EIF4E3: variants seen among roughly 807,000 people sequenced by gnomAD.
EIF4E3 encodes eukaryotic translation initiation factor 4E family member 3.
EIF4E3 carries 26 observed loss-of-function variants against 31.7 expected under a neutral mutation model. The observed-to-expected ratio is 0.82, with a 90% CI of 0.60 to 1.14. EIF4E3 has a LOEUF of 1.14. Ranked by LOEUF, EIF4E3 falls within the 50% of genes most tolerant of loss-of-function variation. EIF4E3 has a pLI of 0.00. For missense variants in EIF4E3, 304 were observed against 270.9 expected (o/e 1.12, Z -0.86); for synonymous variants, 128 against 107.7 (o/e 1.19, Z -1.17).
upstream of EIF4E3, among the ~76,000 whole-genome samples, chr3:71,728,103 T>C (rs2049661882): frequency 3.9e-5 from 6 of 152,230 alleles, no homozygotes; most frequent in Admixed American, 3.9e-4. Context: ...ATTTCTATTT[T>C]AAAGACCTAA....
chr3:71,736,629 G>C (rs1452743519), intron 1 of EIF4E3, among the ~76,000 whole-genome samples: 1 of 152,198 alleles, frequency 6.6e-6, no homozygotes. Flanking sequence ...AAAGGATCAG[G>C]GGTTGTCAGG....
At chr3:71,673,909 T>TTATATATATATA (rs796175405), downstream of EIF4E3, among the ~76,000 whole-genome samples, 1 of 138,130 alleles carries the variant, frequency 7.2e-6, no homozygotes, top group African/African-American at 2.7e-5. Flanking sequence ...AATATAATAA[T>TTATATATATATA]TATATATATA....
intron 6 of EIF4E3, among the ~76,000 whole-genome samples, chr3:71,687,128 G>A (rs889159669): frequency 2.0e-5 from 3 of 152,172 alleles, no homozygotes; most frequent in Non-Finnish European, 4.4e-5. Context: ...AGTCTCCCAA[G>A]TAGCTGGGAT....
At chr3:71,716,301 C>T (rs940893302) in intron 1 of EIF4E3, among the ~76,000 whole-genome samples, 2 of 152,096 alleles carry the variant, frequency 1.3e-5, no homozygotes, top group Admixed American at 1.3e-4. Context: ...GGCGCAATCT[C>T]GACTCACTGC....
rs560775683 is a variant in EIF4E3 at position 71,677,204 on chromosome 3, C to T, written c.*7478G>A. 3 of 152,248 alleles carry T rather than the reference C, an allele frequency of 2.0e-5. No individual in the cohort carries two copies. Among genetic ancestry groups the T allele is most frequent in the South Asian group, 4.1e-4 (2 of 4,830 alleles). The allele number at this position is 152,248 out of a possible 1,614,324, so 9.4% of individuals were successfully genotyped here. A position where few individuals can be genotyped will look rare whatever the true frequency, so the allele number is the denominator to read the frequency against. ...TAAGCTAGTCAGCACCACAGCCTAGCCAGATGATGGGAAATAGAAACATAT... is the reference window on the plus strand; with the variant it reads ...TAAGCTAGTCAGCACCACAGCCTAGTCAGATGATGGGAAATAGAAACATAT... On this transcript the variant is annotated 3_prime_UTR_variant, in exon 7 of 7. Transcript: ENST00000425534.
chr3:71,741,100 A>G (rs553084735), intron 1 of EIF4E3, among the ~76,000 whole-genome samples: 6 of 152,194 alleles, frequency 3.9e-5, no homozygotes, highest in African/African-American at 1.2e-4. Flanking sequence ...GCACCACTGC[A>G]CTCTGGCCTG....
downstream of EIF4E3, among the ~76,000 whole-genome samples, chr3:71,674,296 G>A (rs2048861359): frequency 6.6e-6 from 1 of 151,234 alleles, no homozygotes; most frequent in Non-Finnish European, 1.5e-5. Flanking sequence ...TAGTATTGAT[G>A]GGGTTTCACC....
intron 1 of EIF4E3, among the ~76,000 whole-genome samples, chr3:71,715,867 T>A (rs749346768): frequency 6.6e-6 from 1 of 152,198 alleles, no homozygotes; most frequent in African/African-American, 2.4e-5. Context: ...ACTTCACAGA[T>A]TAGGAAACTG....
chr3:71,740,702 C>T (rs59455543), intron 1 of EIF4E3, among the ~76,000 whole-genome samples: 5,890 of 152,076 alleles, frequency 0.039, 390 homozygotes, highest in African/African-American at 0.13. Flanking sequence ...CACTGCACTC[C>T]AGCCTGGACG....
intron 1 of EIF4E3, among the ~76,000 whole-genome samples, chr3:71,716,333 C>T (rs1354764953): frequency 1.3e-5 from 2 of 152,096 alleles, no homozygotes; most frequent in Non-Finnish European, 2.9e-5. Context: ...CCCGGGTTCA[C>T]GCCATTCTCC....
upstream of EIF4E3, among the ~76,000 whole-genome samples, chr3:71,730,395 C>G (rs912648238): frequency 6.6e-6 from 1 of 152,198 alleles, no homozygotes; most frequent in African/African-American, 2.4e-5. Context: ...AAAACATTGT[C>G]TATAAAGCAC....
Position 71,725,179 on chromosome 3 carries a change from C to A in EIF4E3, c.176+13G>T. 9.2e-7 allele frequency: 1 copy of A among 1,086,464 alleles called. No homozygotes were observed. The highest frequency in any genetic ancestry group is 1.1e-6 in the Non-Finnish European group (1 of 897,652). 67.3% of individuals were successfully genotyped at this position (1,086,464 alleles called of 1,614,324 possible). On this transcript the variant is annotated intron_variant, in intron 1 of 6. Coordinates refer to ENST00000425534, the MANE Select transcript of EIF4E3 (RefSeq NM_001134651.2). The surrounding 1 kb of genome is among the most constrained non-coding windows in gnomAD (Gnocchi z 6.1). Reference sequence around the variant, plus strand: ...GGTCGGGGCCGTGCGCGGCGGGCCCCGCGCCCCCTCACCTGTCGAGCCAGA... The same window carrying A: ...GGTCGGGGCCGTGCGCGGCGGGCCCAGCGCCCCCTCACCTGTCGAGCCAGA...
intron 1 of EIF4E3, among the ~76,000 whole-genome samples, chr3:71,745,206 C>T (rs908071783): frequency 2.4e-4 from 36 of 152,294 alleles, no homozygotes; most frequent in African/African-American, 8.7e-4. Flanking sequence ...GGGTCTCTAC[C>T]TCATCTAAAT....
intron 2 of EIF4E3, among the ~76,000 whole-genome samples, chr3:71,701,198 T>C (rs1220171761): frequency 1.3e-5 from 2 of 152,170 alleles, no homozygotes; most frequent in Non-Finnish European, 2.9e-5. Context: ...AGAAATAGAT[T>C]ATACAAAAAT....
At chr3:71,744,754 T>A (rs1219570213) in intron 1 of EIF4E3, among the ~76,000 whole-genome samples, 1 of 152,150 alleles carries the variant, frequency 6.6e-6, no homozygotes, top group Non-Finnish European at 1.5e-5. Context: ...CAAAAAAATA[T>A]ATATATTTAC....
intron 1 of EIF4E3, among the ~76,000 whole-genome samples, chr3:71,743,230 A>C (rs2049838485): frequency 1.3e-5 from 2 of 152,230 alleles, no homozygotes; most frequent in African/African-American, 4.8e-5. Context: ...ACGCATGTCT[A>C]TGTAGAAAAC....
upstream of EIF4E3, chr3:71,725,481 TA>T (rs2049624387): frequency 1.9e-6 from 1 of 534,118 alleles, no homozygotes; most frequent in Non-Finnish European, 2.3e-6. The surrounding 1 kb of genome is among the most constrained non-coding windows in gnomAD (Gnocchi z 6.1). Flanking sequence ...CGCCCCGGGC[TA>T]GCCGCCCGCC....
intron 1 of EIF4E3, among the ~76,000 whole-genome samples, chr3:71,712,240 T>A (rs1282178527): frequency 1.3e-5 from 2 of 152,084 alleles, no homozygotes; most frequent in Admixed American, 1.3e-4. Context: ...TGTCAAAGAG[T>A]GTGGCAAAGA....
At chr3:71,738,159 G>C (rs1559612959) in intron 1 of EIF4E3, among the ~76,000 whole-genome samples, 1 of 152,202 alleles carries the variant, frequency 6.6e-6, no homozygotes, top group Non-Finnish European at 1.5e-5. Flanking sequence ...AGATGGAGAA[G>C]CTGGCAACCT....
Sources: allele counts gnomAD v4.1 joint callset (sites outside exome capture counted in the v4.1 genomes callset), GRCh38; gene constraint gnomAD v4.1.1; non-coding constraint Gnocchi (gnomAD v3.1); transcripts MANE v1.5; gene names NCBI Gene and HGNC (gene_info 2026-07-23, HGNC 2026-07-21).